Variants in DOCK7 observed in about 807,000 individuals in gnomAD.
DOCK7 encodes dedicator of cytokinesis 7, also known as dedicator of cytokinesis protein 7.
A neutral mutation model predicts 271.0 loss-of-function variants in DOCK7; 138 were observed. The observed-to-expected ratio is 0.51, with a 90% CI of 0.44 to 0.59. The LOEUF (loss-of-function observed/expected upper bound fraction) is 0.59, where lower values mean the gene tolerates loss of function less well. Ranked by LOEUF, DOCK7 falls within the 20% of genes least tolerant of loss-of-function variation. The pLI is 0.00. For missense variants in DOCK7, 2,066 were observed against 2,592.4 expected, an observed-to-expected ratio of 0.80 and a Z score of 4.41; for synonymous variants, 823 against 876.1, an observed-to-expected ratio of 0.94 and a Z score of 1.07.
intron 8 of DOCK7, among the ~76,000 whole-genome samples, chr1:62,635,963 GA>G (rs1655215216): frequency 1.3e-5 from 2 of 152,044 alleles, no homozygotes; most frequent in Non-Finnish European, 2.9e-5. Flanking sequence ...ATTAAATTAA[GA>G]AATGTTGTAA....
intron 13 of DOCK7, among the ~76,000 whole-genome samples, chr1:62,619,503 A>G (rs1395226287): frequency 1.3e-5 from 2 of 152,244 alleles, no homozygotes; most frequent in Non-Finnish European, 2.9e-5. Flanking sequence ...AAATTAGGCA[A>G]AGTAAGAGAT....
At chr1:62,474,593 G>A (rs1645919108) in intron 47 of DOCK7, among the ~76,000 whole-genome samples, 1 of 96,168 alleles carries the variant, frequency 1.0e-5, no homozygotes, top group African/African-American at 2.8e-5. Flanking sequence ...AAGGTCTTAA[G>A]GTATTTATTT....
intron 1 of DOCK7, among the ~76,000 whole-genome samples, chr1:62,672,816 A>T (rs1304949004): frequency 2.0e-5 from 3 of 152,164 alleles, no homozygotes; most frequent in Non-Finnish European, 4.4e-5. Flanking sequence ...CAGATCCATA[A>T]AGCTCCTAAA....
At chr1:62,543,149 G>C (rs1261616917) in intron 24 of DOCK7, 1 of 101,506 alleles carries the variant, frequency 9.9e-6, no homozygotes, top group Admixed American at 1.0e-4. Flanking sequence ...TTCAGGTAAG[G>C]TCTTTTTAAA....
At chr1:62,456,361 CTT>C (rs1210639635) in intron 49 of DOCK7, among the ~76,000 whole-genome samples, 5 of 152,070 alleles carry the variant, frequency 3.3e-5, no homozygotes, top group Admixed American at 6.5e-5. Context: ...CTGGAATACT[CTT>C]AACATATTTT....
At chr1:62,535,438 G>C in intron 29 of DOCK7, 55 bp downstream of exon 29, 1 of 1,483,628 alleles carries the variant, frequency 6.7e-7, no homozygotes, top group Non-Finnish European at 9.3e-7. Context: ...GAATACTTCT[G>C]TCCACTGTTC....
At chr1:62,494,511 A>C (rs763192870) in intron 39 of DOCK7, 44 bp from the exon 40 acceptor site, 1 of 1,547,906 alleles carries the variant, frequency 6.5e-7, no homozygotes, top group African/African-American at 1.4e-5. Flanking sequence ...GTGCTTCCCA[A>C]GCTGGGAGGG....
chr1:62,505,533 A>C lies in DOCK7; in HGVS notation c.4611+149T>G, dbSNP rs950866314. 2.8e-5 allele frequency: 23 copies of C among 825,270 alleles called. No individual in the cohort carries two copies. In the East Asian group the frequency reaches 6.6e-4, roughly 24 times the overall value. 51.1% of individuals were successfully genotyped at this position (825,270 alleles called of 1,614,324 possible). A position where few individuals can be genotyped will look rare whatever the true frequency, so the allele number is the denominator to read the frequency against. On this transcript the variant is annotated intron_variant, in intron 36 of 49. Transcript: ENST00000635253. ...AGCAGTAGAGAGGCAAAGAAGAATTAAGGGTCTTAGGTTATTATTTAAATT... is the reference window on the plus strand; with the variant it reads ...AGCAGTAGAGAGGCAAAGAAGAATTCAGGGTCTTAGGTTATTATTTAAATT...
intron 7 of DOCK7, chr1:62,641,438 T>C: frequency 2.5e-6 from 1 of 405,504 alleles, no homozygotes; most frequent in Non-Finnish European, 4.9e-6. Flanking sequence ...CAAAGCAGCC[T>C]GGCCTCACTT....
intron 12 of DOCK7, among the ~76,000 whole-genome samples, chr1:62,621,068 A>G (rs970191264): frequency 1.5e-4 from 23 of 152,044 alleles, no homozygotes; most frequent in African/African-American, 5.3e-4. Flanking sequence ...TATATCACAA[A>G]TTTCTCCAAT....
intron 23 of DOCK7, 103 bp downstream of exon 23, chr1:62,544,844 G>A: frequency 1.1e-6 from 1 of 871,286 alleles, no homozygotes; most frequent in East Asian, 2.8e-5. Context: ...ACTTTTTAAT[G>A]ATTAAAAAAA....
intron 16 of DOCK7, 141 bp from the exon 17 acceptor site, chr1:62,579,107 A>C: frequency 1.3e-6 from 1 of 793,476 alleles, no homozygotes; most frequent in Non-Finnish European, 1.8e-6. Flanking sequence ...TTTATCCCCA[A>C]TCTCTAAATA....
chr1:62,646,220 A>G (rs1656644346), intron 7 of DOCK7, among the ~76,000 whole-genome samples: 1 of 152,262 alleles, frequency 6.6e-6, no homozygotes, highest in East Asian at 1.9e-4. Context: ...CGTTGAAAAC[A>G]TTATGCTGTA....
chr1:62,636,669 G>T, intron 7 of DOCK7, 66 bp from the exon 8 acceptor site: 1 of 1,341,412 alleles, frequency 7.5e-7, no homozygotes, highest in Non-Finnish European at 1.0e-6. Flanking sequence ...GAGAGAAATT[G>T]ATTCCAAAAC....
chr1:62,621,274 C>A (rs1244002952), intron 12 of DOCK7, among the ~76,000 whole-genome samples: 1 of 152,122 alleles, frequency 6.6e-6, no homozygotes, highest in Admixed American at 6.5e-5. Context: ...AGGACTTCAA[C>A]CAATATGAAG....
chr1:62,556,815 T>G (rs367697341), intron 20 of DOCK7, among the ~76,000 whole-genome samples: 2 of 152,286 alleles, frequency 1.3e-5, no homozygotes, highest in East Asian at 1.9e-4. Context: ...AATGGTCATT[T>G]AGGAAGATTA....
At chr1:62,597,671 A>G in intron 14 of DOCK7, 1 of 1,613,536 alleles carries the variant, frequency 6.2e-7, no homozygotes, top group Non-Finnish European at 8.5e-7. Context: ...AGCCAAAATC[A>G]AGATTTGCTA....
intron 11 of DOCK7, among the ~76,000 whole-genome samples, chr1:62,630,238 G>A (rs899132952): frequency 6.6e-6 from 1 of 152,150 alleles, no homozygotes; most frequent in African/African-American, 2.4e-5. Context: ...TTTGTTTTGG[G>A]TTAAATGAGG....
chr1:62,604,605 C>A, intron 14 of DOCK7: 1 of 1,602,272 alleles, frequency 6.2e-7, no homozygotes, highest in South Asian at 1.1e-5. Context: ...AGTCTGTACC[C>A]ATTAAATTGC....
Sources: gnomAD v4.1 joint callset for allele counts (sites outside exome capture counted in the v4.1 genomes callset) on GRCh38, gnomAD v4.1.1 for gene constraint, MANE v1.5 for transcripts, NCBI Gene and HGNC (gene_info 2026-07-23, HGNC 2026-07-21) for gene names.